CACNA1D: variants seen among roughly 807,000 people sequenced by gnomAD.
CACNA1D encodes the protein voltage-dependent L-type calcium channel subunit alpha-1D.
Under a neutral mutation model 257.1 loss-of-function variants are expected in CACNA1D, and 55 were observed. That is an observed-to-expected ratio of 0.21 (90% CI 0.17 to 0.27). The LOEUF is 0.27. CACNA1D is among the 10% of genes least tolerant of loss of function. The pLI is 1.00. For synonymous variants in CACNA1D, 980 were observed against 1,014.9 expected (o/e 0.97, Z 0.65); for missense variants, 1,876 against 2,784.0 (o/e 0.67, Z 7.34).
intron 3 of CACNA1D, among the ~76,000 whole-genome samples, chr3:53,537,250 A>G (rs1426266092): frequency 2.6e-5 from 4 of 152,196 alleles, no homozygotes; most frequent in Non-Finnish European, 4.4e-5. Flanking sequence ...TTACTAGTAA[A>G]AATACTCTTA....
At chr3:53,770,941 G>C (rs1238350459) in intron 32 of CACNA1D, among the ~76,000 whole-genome samples, 1 of 152,206 alleles carries the variant, frequency 6.6e-6, no homozygotes, top group African/African-American at 2.4e-5. Context: ...GGCTACAACA[G>C]TGCTGTGTCT....
At chr3:53,518,960 G>T (rs1040775524) in intron 3 of CACNA1D, among the ~76,000 whole-genome samples, 1 of 152,114 alleles carries the variant, frequency 6.6e-6, no homozygotes, top group Non-Finnish European at 1.5e-5. Context: ...CTGCAGTCTC[G>T]TCTGGCCTGA....
In CACNA1D at chr3:53,722,508, A is replaced by G. The variant is rs559486409; in HGVS notation, c.1666+34A>G. 8.1e-6 allele frequency: 13 copies of G among 1,609,044 alleles called. 1 individual carries two copies. In the East Asian group the frequency reaches 2.5e-4, roughly 30 times the overall value. On this transcript the variant is annotated intron_variant, in intron 12 of 47. Transcript: ENST00000350061. ...AGAGGCCATTCCTTTTTTGTTCTGA[A>G]CTAGAGATTTCTGTGGCTGTCCAAC...
chr3:53,516,170 A>G (rs559640774), intron 3 of CACNA1D, among the ~76,000 whole-genome samples: 1 of 152,330 alleles, frequency 6.6e-6, no homozygotes, highest in Admixed American at 6.5e-5. Context: ...ACCAGAAGGC[A>G]TTAGTTAACT....
At chr3:53,783,072 G>A (rs1208496263) in intron 39 of CACNA1D, 3 of 152,128 alleles carry the variant, frequency 2.0e-5, no homozygotes, top group Non-Finnish European at 2.9e-5. Flanking sequence ...ATTCCCCTAC[G>A]TTGTTTCTTT....
intron 9 of CACNA1D, among the ~76,000 whole-genome samples, chr3:53,706,310 A>G (rs2094688682): frequency 6.6e-6 from 1 of 152,202 alleles, no homozygotes; most frequent in Non-Finnish European, 1.5e-5. Flanking sequence ...TGGGTGTAGG[A>G]AGTCATTAAT....
intron 3 of CACNA1D, among the ~76,000 whole-genome samples, chr3:53,549,484 G>A (rs1207649804): frequency 6.6e-6 from 1 of 152,070 alleles, no homozygotes; most frequent in Non-Finnish European, 1.5e-5. Flanking sequence ...TACTTTTCTG[G>A]ACTTAACACT....
At chr3:53,502,908 C>T (rs759276376) in intron 3 of CACNA1D, among the ~76,000 whole-genome samples, 5 of 152,198 alleles carry the variant, frequency 3.3e-5, no homozygotes, top group Non-Finnish European at 7.4e-5. Context: ...TAGCTGGTTC[C>T]GTTTGTTTTT....
At chr3:53,705,741 T>C (rs143215201) in intron 9 of CACNA1D, among the ~76,000 whole-genome samples, 59 of 152,206 alleles carry the variant, frequency 3.9e-4, no homozygotes, top group African/African-American at 1.3e-3. Flanking sequence ...GAGCACCAAG[T>C]CTCCTCCTCC....
chr3:53,585,030 CT>C (rs35767566), intron 3 of CACNA1D, among the ~76,000 whole-genome samples: 10,913 of 140,524 alleles, frequency 0.078, 962 homozygotes, highest in African/African-American at 0.21. Context: ...GTTCTTTTGT[CT>C]TTTTTTTTTT....
chr3:53,575,722 T>C (rs1367328274), intron 3 of CACNA1D, among the ~76,000 whole-genome samples: 3 of 152,292 alleles, frequency 2.0e-5, no homozygotes, highest in Non-Finnish European at 4.4e-5. Context: ...GTTTAATGTA[T>C]TCGGGTAGAT....
chr3:53,539,187 G>A (rs1017069918), intron 3 of CACNA1D, among the ~76,000 whole-genome samples: 10 of 151,930 alleles, frequency 6.6e-5, no homozygotes, highest in Non-Finnish European at 1.5e-4. Context: ...TCAGCTCACT[G>A]CAACCTCCGC....
At chr3:53,577,052 C>T (rs2107723167) in intron 3 of CACNA1D, among the ~76,000 whole-genome samples, 1 of 152,272 alleles carries the variant, frequency 6.6e-6, no homozygotes, top group African/African-American at 2.4e-5. Context: ...GCTGTAGAGC[C>T]TCTGGTTGGT....
At chr3:53,628,862 AT>A (rs2093789413) in intron 3 of CACNA1D, among the ~76,000 whole-genome samples, 1 of 152,242 alleles carries the variant, frequency 6.6e-6, no homozygotes, top group Non-Finnish European at 1.5e-5. Context: ...TATCTTAGCT[AT>A]TAAGCAAAAA....
At chr3:53,546,610 C>G (rs1361063513) in intron 3 of CACNA1D, among the ~76,000 whole-genome samples, 1 of 152,174 alleles carries the variant, frequency 6.6e-6, no homozygotes, top group Non-Finnish European at 1.5e-5. Context: ...TTGGGCATTT[C>G]CTCTGCATTT....
intron 3 of CACNA1D, among the ~76,000 whole-genome samples, chr3:53,578,718 G>A (rs921391459): frequency 3.9e-5 from 6 of 152,142 alleles, no homozygotes; most frequent in Admixed American, 3.3e-4. Context: ...AGTTCTTCAG[G>A]GAAGGCCTCA....
intron 3 of CACNA1D, among the ~76,000 whole-genome samples, chr3:53,557,219 G>C (rs552626707): frequency 6.6e-6 from 1 of 152,284 alleles, no homozygotes; most frequent in South Asian, 2.1e-4. Context: ...TCTATGGCCA[G>C]GCGTGGTGGC....
At chr3:53,510,297 T>C (rs2091054442) in intron 3 of CACNA1D, among the ~76,000 whole-genome samples, 1 of 151,024 alleles carries the variant, frequency 6.6e-6, no homozygotes, top group African/African-American at 2.4e-5. Context: ...ACAGTTTGAG[T>C]ATTTTAAATT....
At chr3:53,600,731 A>C (rs2107871023) in intron 3 of CACNA1D, among the ~76,000 whole-genome samples, 1 of 152,332 alleles carries the variant, frequency 6.6e-6, no homozygotes, top group South Asian at 2.1e-4. Flanking sequence ...AAGATATGGC[A>C]ATGTGGTCCT....
Sources: allele counts gnomAD v4.1 joint callset (sites outside exome capture counted in the v4.1 genomes callset), GRCh38; gene constraint gnomAD v4.1.1; transcripts MANE v1.5; gene names NCBI Gene and HGNC (gene_info 2026-07-23, HGNC 2026-07-21).